The following MAPKAPK2 variants were observed in gnomAD, a reference collection of about 807,000 sequenced individuals.
The protein encoded by MAPKAPK2 is MAPK activated protein kinase 2.
Under a neutral mutation model 48.8 loss-of-function variants are expected in MAPKAPK2, and 9 were observed. The observed-to-expected ratio is 0.18, with a 90% CI of 0.11 to 0.32. The LOEUF (loss-of-function observed/expected upper bound fraction) is 0.32. Among genes scored for constraint, MAPKAPK2 ranks in the 10% least tolerant of loss-of-function variants. The pLI, the probability that MAPKAPK2 is intolerant of heterozygous loss-of-function variation, is 1.00. For missense variants in MAPKAPK2, 331 were observed against 498.3 expected (o/e 0.66, Z 3.20); for synonymous variants, 202 against 190.6 (o/e 1.06, Z -0.49).
chr1:206,688,552 T>C (rs184788072), intron 1 of MAPKAPK2, among the ~76,000 whole-genome samples: 93 of 152,324 alleles, frequency 6.1e-4, no homozygotes, highest in Non-Finnish European at 1.2e-3. Context: ...TGCATTTTTT[T>C]AACCACTCCC....
chr1:206,732,501 G>A lies in MAPKAPK2; in HGVS notation c.1060-74G>A, dbSNP rs950472315. 8 of 1,582,150 alleles carry A rather than the reference G, an allele frequency of 5.1e-6. No homozygotes were observed. In the East Asian group the frequency reaches 6.7e-5, roughly 13 times the overall value. On this transcript the variant is annotated intron_variant, in intron 9 of 9. Coordinates refer to ENST00000367103, the MANE Select transcript of MAPKAPK2 (RefSeq NM_032960.4). The surrounding 1 kb of genome is among the most constrained non-coding windows in gnomAD (Gnocchi z 4.4). Reference sequence around the variant, plus strand: ...TGCCCTTGTTGTCTCTGTCTCTCACGTCTCTCTTCTGCTGTCTCTCCTACC... The same window carrying A: ...TGCCCTTGTTGTCTCTGTCTCTCACATCTCTCTTCTGCTGTCTCTCCTACC...
rs1047451241 is a variant in MAPKAPK2, at chr1:206,704,763, A to G, written c.279+19255A>G. On this transcript the variant is annotated intron_variant, in intron 1 of 9. Transcript: ENST00000367103. The surrounding 1 kb of genome is among the most constrained non-coding windows in gnomAD (Gnocchi z 4.3). ...CACAAGTGTGTGTGTGCACTTCTTA[A>G]TCTGTCCATTCATCTGTTCACTGCA... Among the ~76,000 whole-genome samples, 1 of 152,170 alleles carries G rather than the reference A, an allele frequency of 6.6e-6. No individual in the cohort carries two copies. The highest frequency in any genetic ancestry group is 2.4e-5 in the African/African-American group (1 of 41,436).
At position 206,685,346 on chromosome 1, in the gene MAPKAPK2, C is replaced by T. The variant is rs781902222; in HGVS notation, c.117C>T (p.Pro39=). ...PHPPAQPPPP[P]PQQFPQFHVK... ...CCCCGGCGCAGCCGCCGCCGCCGCCCCCGCAGCAGTTCCCGCAGTTCCACG... is the reference window on the plus strand; with the variant it reads ...CCCCGGCGCAGCCGCCGCCGCCGCCTCCGCAGCAGTTCCCGCAGTTCCACG... The change falls in exon 1 of 10, where the codon CCC becomes CCT. Residue 39 remains proline, a synonymous_variant. Transcript: ENST00000367103. 1 of 1,494,726 alleles carries T rather than the reference C, an allele frequency of 6.7e-7. No homozygotes were observed. 92.6% of individuals were successfully genotyped at this position (1,494,726 alleles called of 1,614,324 possible). A position where few individuals can be genotyped will look rare whatever the true frequency, so the allele number is the denominator to read the frequency against.
intron 1 of MAPKAPK2, among the ~76,000 whole-genome samples, chr1:206,712,335 A>C (rs1673182523): frequency 6.6e-6 from 1 of 152,250 alleles, no homozygotes; most frequent in African/African-American, 2.4e-5. Flanking sequence ...CCGGAGGTAT[A>C]AGAAGGTTAG....
intron 1 of MAPKAPK2, among the ~76,000 whole-genome samples, chr1:206,723,837 C>T (rs896017036): frequency 5.9e-5 from 9 of 152,220 alleles, no homozygotes; most frequent in South Asian, 4.1e-4. Context: ...CCCTCACTGC[C>T]GCTGTCCTAG....
In MAPKAPK2 at chr1:206,731,167, A is replaced by C. The variant is rs782008886; in HGVS notation, c.797A>C (p.Asn266Thr). The change falls in exon 7 of 10, where the codon AAC becomes ACC. Residue 266 changes from asparagine to threonine, a missense_variant. Asn to Thr is a moderately conservative substitution (Grantham distance 65, BLOSUM62 0). Coordinates refer to ENST00000367103, the MANE Select transcript of MAPKAPK2 (RefSeq NM_032960.4). This position sits in a 1 kb window ranked among gnomAD's most constrained non-coding sequence, Gnocchi z 5.9. ...TGTGGGTATCCCCCCTTCTACTCCA[A>C]CCACGGCCTTGCCATCTCTCCGGGC... Reference protein sequence around the residue: ...LLCGYPPFYSNHGLAISPGMK... With the variant: ...LLCGYPPFYSTHGLAISPGMK... 2 of 1,613,980 alleles carry C rather than the reference A, an allele frequency of 1.2e-6. No individual in the cohort carries two copies. Among genetic ancestry groups the C allele is most frequent in the South Asian group, 2.2e-5 (2 of 91,076 alleles).
chr1:206,719,348 G>T (rs112603416), intron 1 of MAPKAPK2, among the ~76,000 whole-genome samples: 1 of 152,306 alleles, frequency 6.6e-6, no homozygotes, highest in East Asian at 1.9e-4. Context: ...GGGCAGTGAC[G>T]CGTGGTTGTT....
At chr1:206,690,084 T>C (rs561587871) in intron 1 of MAPKAPK2, among the ~76,000 whole-genome samples, 1 of 151,940 alleles carries the variant, frequency 6.6e-6, no homozygotes, top group Admixed American at 6.6e-5. Flanking sequence ...GAGGTCAGAG[T>C]GGTCAGGGGT....
intron 1 of MAPKAPK2, among the ~76,000 whole-genome samples, chr1:206,724,825 A>G (rs1417226551): frequency 1.3e-5 from 2 of 152,160 alleles, no homozygotes; most frequent in Non-Finnish European, 2.9e-5. Context: ...GTAAACAGAA[A>G]TCAAATTAGA....
chr1:206,689,911 G>T (rs1274568876), intron 1 of MAPKAPK2, among the ~76,000 whole-genome samples: 2 of 152,192 alleles, frequency 1.3e-5, no homozygotes, highest in African/African-American at 4.8e-5. Context: ...AAATCGTGTG[G>T]CTGGGAATAG....
intron 1 of MAPKAPK2, among the ~76,000 whole-genome samples, chr1:206,727,652 G>T (rs938178622): frequency 6.6e-6 from 1 of 151,784 alleles, no homozygotes; most frequent in Non-Finnish European, 1.5e-5. Flanking sequence ...ATGGAGTCTC[G>T]CTCTGTTGCC....
Position 206,732,853 on chromosome 1 carries a change from T to A in MAPKAPK2, c.*135T>A. 1 of 1,077,790 alleles carries A rather than the reference T, an allele frequency of 9.3e-7. No homozygotes were observed. Among genetic ancestry groups the A allele is most frequent in the Admixed American group, 2.7e-5 (1 of 36,702 alleles). 66.8% of individuals were successfully genotyped at this position (1,077,790 alleles called of 1,614,324 possible). A position where few individuals can be genotyped will look rare whatever the true frequency, so the allele number is the denominator to read the frequency against. On this transcript the variant is annotated 3_prime_UTR_variant, in exon 10 of 10. Coordinates refer to ENST00000367103, the MANE Select transcript of MAPKAPK2 (RefSeq NM_032960.4). The surrounding 1 kb of genome is among the most constrained non-coding windows in gnomAD (Gnocchi z 4.4). Reference sequence around the variant, plus strand: ...TGCATGGAGCCTGGAACTGCATCAGTGACTGAATTCTGCCTTGGTTCTGGC... The same window carrying A: ...TGCATGGAGCCTGGAACTGCATCAGAGACTGAATTCTGCCTTGGTTCTGGC...
At chr1:206,719,565 G>T (rs1673448871) in intron 1 of MAPKAPK2, among the ~76,000 whole-genome samples, 1 of 152,200 alleles carries the variant, frequency 6.6e-6, no homozygotes, top group Non-Finnish European at 1.5e-5. Context: ...AAAACCTGTT[G>T]TTAGATTTAT....
At chr1:206,730,786 TG>T in intron 6 of MAPKAPK2, 23 bp downstream of exon 6, 1 of 552,122 alleles carries the variant, frequency 1.8e-6, no homozygotes, top group Non-Finnish European at 3.4e-6. Flanking sequence ...GGGAGGGGGC[TG>T]GGTGGGGCAG....
chr1:206,714,657 C>A (rs568942899), intron 1 of MAPKAPK2, among the ~76,000 whole-genome samples: 2 of 147,868 alleles, frequency 1.4e-5, no homozygotes, highest in African/African-American at 5.0e-5. Context: ...CCCAGCCACT[C>A]GGGAGGCTGA....
chr1:206,732,743 G>A lies in MAPKAPK2; in HGVS notation c.*25G>A. 6.2e-7 allele frequency: 1 copy of A among 1,613,382 alleles called. No homozygotes were observed. The highest frequency in any genetic ancestry group is 8.5e-7 in the Non-Finnish European group (1 of 1,179,656). ...AGCCACCGCGCCCTCCTGCCCACGG[G>A]AGGACAAGCAATAACTCTCTACAGG... On this transcript the variant is annotated 3_prime_UTR_variant, in exon 10 of 10. Transcript: ENST00000367103. This position sits in a 1 kb window ranked among gnomAD's most constrained non-coding sequence, Gnocchi z 4.4.
At chr1:206,715,156 G>A (rs1460599773) in intron 1 of MAPKAPK2, among the ~76,000 whole-genome samples, 2 of 152,254 alleles carry the variant, frequency 1.3e-5, no homozygotes, top group African/African-American at 4.8e-5. Flanking sequence ...GTTCTAGTCT[G>A]TGGAGCATTC....
intron 1 of MAPKAPK2, among the ~76,000 whole-genome samples, chr1:206,706,690 C>T (rs1452749668): frequency 3.3e-5 from 5 of 152,184 alleles, no homozygotes; most frequent in South Asian, 2.1e-4. Context: ...TATGCATCAC[C>T]GCTGCTGGGA....
intron 1 of MAPKAPK2, among the ~76,000 whole-genome samples, chr1:206,723,588 C>T (rs960133082): frequency 6.6e-6 from 1 of 152,212 alleles, no homozygotes; most frequent in African/African-American, 2.4e-5. Context: ...GTCCACCTTG[C>T]TGACGAGTGG....
Sources: allele counts gnomAD v4.1 joint callset (sites outside exome capture counted in the v4.1 genomes callset), GRCh38; gene constraint gnomAD v4.1.1; non-coding constraint Gnocchi (gnomAD v3.1); transcripts MANE v1.5; gene names NCBI Gene and HGNC (gene_info 2026-07-23, HGNC 2026-07-21).